Variants in DOCK1 observed in about 807,000 individuals in gnomAD.
DOCK1 encodes the protein dedicator of cytokinesis protein 1.
Under a neutral mutation model 262.7 loss-of-function variants are expected in DOCK1, and 138 were observed. The observed-to-expected ratio is 0.53, with a 90% CI of 0.46 to 0.61. The LOEUF (loss-of-function observed/expected upper bound fraction) is 0.61, where lower values mean the gene tolerates loss of function less well. Among genes scored for constraint, DOCK1 ranks in the 20% least tolerant of loss-of-function variants. DOCK1 has a pLI of 0.00. For missense variants in DOCK1, 1,908 were observed against 2,370.7 expected (o/e 0.80, Z 4.05); for synonymous variants, 866 against 867.4 (o/e 1.00, Z 0.03).
intron 23 of DOCK1, among the ~76,000 whole-genome samples, chr10:127,069,691 A>G (rs2046097365): frequency 6.6e-6 from 1 of 152,060 alleles, no homozygotes; most frequent in Non-Finnish European, 1.5e-5. Context: ...GTTGAATTAG[A>G]ATATTGGGCA....
At chr10:127,273,732 A>T (rs1018563254) in intron 29 of DOCK1, among the ~76,000 whole-genome samples, 2 of 152,052 alleles carry the variant, frequency 1.3e-5, no homozygotes, top group Admixed American at 6.6e-5. Context: ...AAGTAAAAAA[A>T]GTTAGCCGGG....
intron 27 of DOCK1, among the ~76,000 whole-genome samples, chr10:127,171,206 T>C (rs2054539960): frequency 6.6e-6 from 1 of 152,142 alleles, no homozygotes; most frequent in Non-Finnish European, 1.5e-5. Flanking sequence ...ATGAAAATAA[T>C]GAAGGAGAGT....
chr10:127,262,513 C>T (rs183385866), intron 29 of DOCK1, among the ~76,000 whole-genome samples: 1 of 152,234 alleles, frequency 6.6e-6, no homozygotes, highest in East Asian at 1.9e-4. Flanking sequence ...CTTCTGCCCC[C>T]ATATGCTGCC....
intron 28 of DOCK1, among the ~76,000 whole-genome samples, chr10:127,251,867 C>T (rs2059659289): frequency 6.7e-6 from 1 of 148,934 alleles, no homozygotes; most frequent in African/African-American, 2.5e-5. Context: ...TTTATAGCAG[C>T]ATGATTTATA....
At chr10:127,148,060 T>C (rs79060572) in intron 27 of DOCK1, among the ~76,000 whole-genome samples, 2 of 138,752 alleles carry the variant, frequency 1.4e-5, no homozygotes, top group South Asian at 4.7e-4. Context: ...AAAAAAAAAA[T>C]TCCACCTGTC....
chr10:127,032,261 T>C lies in DOCK1; in HGVS notation c.1853T>C (p.Ile618Thr), dbSNP rs760148261. 1.4e-5 allele frequency: 23 copies of C among 1,596,828 alleles called. 1 individual carries two copies. In the South Asian group the frequency reaches 2.3e-4, roughly 16 times the overall value. ...ATGCAGAGCCTTGGGAGCTGCACCATTAGCAAGGACTCCTTCCAGATCTCC... is the reference window on the plus strand; with the variant it reads ...ATGCAGAGCCTTGGGAGCTGCACCACTAGCAAGGACTCCTTCCAGATCTCC... ...KSMQSLGSCT[I>T]SKDSFQISTL... The change falls in exon 18 of 52, where the codon ATT (isoleucine) becomes ACT (threonine). Residue 618 changes from isoleucine (I) to threonine (T), a missense_variant. Coordinates refer to ENST00000623213, the MANE Select transcript of DOCK1 (RefSeq NM_001290223.2).
intron 12 of DOCK1, among the ~76,000 whole-genome samples, chr10:127,017,308 GAC>G (rs368562523): frequency 1.4e-5 from 2 of 146,528 alleles, no homozygotes; most frequent in African/African-American, 5.1e-5. Context: ...TATAGACACA[GAC>G]ACGCACACAG....
At chr10:127,439,995 C>T (rs1379617796) in intron 49 of DOCK1, among the ~76,000 whole-genome samples, 1 of 152,048 alleles carries the variant, frequency 6.6e-6, no homozygotes, top group Non-Finnish European at 1.5e-5. Context: ...AATAACTGAG[C>T]CTGCGTCATT....
chr10:127,213,440 C>T (rs2058068090), intron 27 of DOCK1, among the ~76,000 whole-genome samples: 1 of 152,154 alleles, frequency 6.6e-6, no homozygotes, highest in Admixed American at 6.5e-5. Flanking sequence ...GTGGAATTTA[C>T]ATGGTTTGGA....
At chr10:127,201,155 G>A (rs2057437674) in intron 27 of DOCK1, among the ~76,000 whole-genome samples, 1 of 152,222 alleles carries the variant, frequency 6.6e-6, no homozygotes, top group Non-Finnish European at 1.5e-5. Flanking sequence ...TCCTCAAGGT[G>A]CCCCAGTGGG....
At chr10:126,916,316 TATAG>T (rs2032488920) in intron 1 of DOCK1, among the ~76,000 whole-genome samples, 1 of 152,250 alleles carries the variant, frequency 6.6e-6, no homozygotes, top group African/African-American at 2.4e-5. Flanking sequence ...ATTAACTTCT[TATAG>T]AGAAAATATA....
chr10:127,447,284 A>C, intron 50 of DOCK1, 110 bp from the exon 51 acceptor site: 1 of 1,466,020 alleles, frequency 6.8e-7, no homozygotes, highest in Non-Finnish European at 9.2e-7. Flanking sequence ...CTGCCAGATG[A>C]AGTGTTTCTG....
At chr10:127,043,384 T>C (rs2044146181) in intron 21 of DOCK1, among the ~76,000 whole-genome samples, 1 of 152,240 alleles carries the variant, frequency 6.6e-6, no homozygotes, top group Non-Finnish European at 1.5e-5. Context: ...GAATAAATTC[T>C]TGTTCTCCCT....
chr10:127,433,661 G>A (rs1332938175), intron 48 of DOCK1, among the ~76,000 whole-genome samples: 1 of 151,994 alleles, frequency 6.6e-6, no homozygotes, highest in Non-Finnish European at 1.5e-5. Context: ...TTTGGGTGAG[G>A]TTTTCATCCA....
chr10:127,426,468 G>A (rs894089715), intron 47 of DOCK1, among the ~76,000 whole-genome samples: 2 of 152,308 alleles, frequency 1.3e-5, no homozygotes, highest in South Asian at 2.1e-4. Flanking sequence ...CATGGCCATC[G>A]AGGAAGAAGT....
intron 27 of DOCK1, chr10:127,145,973 C>A (rs1474309656): frequency 3.9e-6 from 2 of 514,492 alleles, no homozygotes. Context: ...TGAGGAAGAA[C>A]CTGCCCTGGG....
intron 27 of DOCK1, among the ~76,000 whole-genome samples, chr10:127,243,271 T>C (rs1428467986): frequency 1.3e-5 from 2 of 152,254 alleles, no homozygotes; most frequent in African/African-American, 4.8e-5. Flanking sequence ...ACAAAGGCAC[T>C]GTTTAAAAGA....
intron 23 of DOCK1, among the ~76,000 whole-genome samples, chr10:127,080,994 A>G (rs554842639): frequency 9.9e-5 from 15 of 152,216 alleles, no homozygotes; most frequent in African/African-American, 3.1e-4. Context: ...TGCTTTCTCT[A>G]TGAATTAATT....
At chr10:126,951,236 G>T (rs2036196731) in intron 1 of DOCK1, among the ~76,000 whole-genome samples, 1 of 150,544 alleles carries the variant, frequency 6.6e-6, no homozygotes, top group African/African-American at 2.4e-5. Flanking sequence ...GATGGTGGTA[G>T]TATTGTTGGT....
Sources: allele counts gnomAD v4.1 joint callset (sites outside exome capture counted in the v4.1 genomes callset), GRCh38; gene constraint gnomAD v4.1.1; transcripts MANE v1.5; gene names NCBI Gene and HGNC (gene_info 2026-07-23, HGNC 2026-07-21).